The following TSGA10 variants were observed in gnomAD, a reference collection of about 807,000 sequenced individuals.
TSGA10 encodes testis specific 10.
TSGA10 carries 43 observed loss-of-function variants against 96.6 expected under a neutral mutation model. The ratio of observed to expected loss-of-function variants is 0.44; its 90% CI spans 0.35 to 0.57. TSGA10 has a LOEUF of 0.57. Among genes scored for constraint, TSGA10 ranks in the 20% least tolerant of loss-of-function variants. The pLI is 0.01. For missense variants in TSGA10, 703 were observed against 834.4 expected, an observed-to-expected ratio of 0.84 and a Z score of 1.94; for synonymous variants, 229 against 269.9, an observed-to-expected ratio of 0.85 and a Z score of 1.48.
intron 20 of TSGA10, among the ~76,000 whole-genome samples, chr2:99,009,197 A>C (rs568877794): frequency 1.2e-4 from 18 of 152,292 alleles, no homozygotes; most frequent in Non-Finnish European, 2.4e-4. Flanking sequence ...TGTTACTTAC[A>C]ATGAATACCA....
Position 99,035,231 on chromosome 2 carries a change from A to T in TSGA10, c.1613T>A (p.Met538Lys), listed in dbSNP as rs767942925. The T allele has an allele frequency of 1.2e-6, 2 of 1,602,392 alleles. No individual in the cohort carries two copies. The highest frequency in any genetic ancestry group is 1.7e-6 in the Non-Finnish European group (2 of 1,173,566). ...AGATTTTTAAAATATATTACATACC[A>T]TTTCTATTTCTTGATCTTTAGCAAC... ...QLVAKDQEIE[M>K]RENELDSAHS... Residue 538 changes from methionine (M) to lysine (K), a missense_variant and splice_region_variant, in exon 17 of 21, where the codon ATG (methionine) becomes AAG (lysine). Physicochemically the swap from Met to Lys is moderately conservative, Grantham distance 95. Around this residue, in one of 3 missense-constraint regions of TSGA10, gnomAD observed 585 missense variants for 656.8 expected, o/e 0.89. Transcript: ENST00000393483.
intron 16 of TSGA10, among the ~76,000 whole-genome samples, chr2:99,048,125 T>C (rs2082988389): frequency 6.6e-6 from 1 of 151,996 alleles, no homozygotes; most frequent in South Asian, 2.1e-4. Context: ...AGAATCAATA[T>C]CGTGAAAATG....
At chr2:99,064,649 C>T (rs1044798230) in intron 16 of TSGA10, among the ~76,000 whole-genome samples, 4 of 152,124 alleles carry the variant, frequency 2.6e-5, no homozygotes. Flanking sequence ...ATGTTAGTAT[C>T]CTTACATGTG....
chr2:99,055,277 C>A (rs2083844718), intron 16 of TSGA10, among the ~76,000 whole-genome samples: 1 of 152,050 alleles, frequency 6.6e-6, no homozygotes, highest in Non-Finnish European at 1.5e-5. Context: ...AAACACTGAT[C>A]TCGTTTATAT....
rs111472791 is a variant in TSGA10 at position 99,074,508 on chromosome 2, T to TAA, written c.883-1437_883-1436dup. ...ACTGGTGTGTTGTTAAAATATGCAT[T>TAA]AAAAAAAAAGTTAAACCCCTTCAAG... On this transcript the variant is annotated intron_variant, in intron 12 of 20. Transcript: ENST00000393483. Among the ~76,000 whole-genome samples, 203 of 150,330 alleles carry TAA rather than the reference T, an allele frequency of 1.4e-3. 1 individual carries two copies. Among genetic ancestry groups the TAA allele is most frequent in the African/African-American group, 4.8e-3 (196 of 40,810 alleles).
At chr2:99,067,055 G>A (rs902716204) in intron 15 of TSGA10, among the ~76,000 whole-genome samples, 3 of 152,086 alleles carry the variant, frequency 2.0e-5, no homozygotes, top group Non-Finnish European at 4.4e-5. Context: ...CTGAAAATAG[G>A]GTTCAAAGAA....
chr2:99,135,962 T>C (rs946108201), intron 1 of TSGA10, among the ~76,000 whole-genome samples: 2 of 149,638 alleles, frequency 1.3e-5, no homozygotes, highest in East Asian at 2.0e-4. Flanking sequence ...TGAGCCAAGA[T>C]TGCACCATTG....
rs536666220 is a variant in TSGA10 at position 99,144,111 on chromosome 2, C to G, written c.-621+10582G>C. ...TCTCCGCTCACTGGAAGCTCTGCCTCGCGGCTTCACGCCATTCTCCTGCCT... is the reference window on the plus strand; with the variant it reads ...TCTCCGCTCACTGGAAGCTCTGCCTGGCGGCTTCACGCCATTCTCCTGCCT... On this transcript the variant is annotated intron_variant, in intron 1 of 20. Transcript: ENST00000393483. Among the ~76,000 whole-genome samples the G allele has an allele frequency of 3.3e-5, 5 of 152,256 alleles. No homozygotes were observed. In the East Asian group the frequency reaches 9.7e-4, roughly 30 times the overall value.
rs554381768 is a variant in TSGA10 at position 99,078,783 on chromosome 2, C to T, written c.758G>A (p.Arg253Gln). 12 of 1,613,152 alleles carry T rather than the reference C, an allele frequency of 7.4e-6. No homozygotes were observed. The African/African-American group carries it at 8.0e-5, about 11-fold the overall frequency. ...DNFTRQNIAQ[R>Q]EEISILGGTL... ...TCCACCAAGAATGCTGATTTCTTCT[C>T]GCTGTGCAATATTTTGCCTTGTAAA... Residue 253 changes from arginine to glutamine, a missense_variant, in exon 12 of 21, where the codon CGA (arginine) becomes CAA (glutamine). Transcript: ENST00000393483.
chr2:99,129,797 T>A (rs888065471), intron 1 of TSGA10, among the ~76,000 whole-genome samples: 10 of 152,262 alleles, frequency 6.6e-5, no homozygotes, highest in African/African-American at 2.2e-4. Flanking sequence ...GGCCCCCAAC[T>A]CCCTGACAGG....
At chr2:99,059,354 G>A (rs1337792880) in intron 16 of TSGA10, among the ~76,000 whole-genome samples, 1 of 151,850 alleles carries the variant, frequency 6.6e-6, no homozygotes, top group African/African-American at 2.4e-5. Context: ...GTAAACTTAG[G>A]CCAGGCATGG....
At chr2:99,087,264 TGGGAGGTC>T (rs929273609) in intron 10 of TSGA10, among the ~76,000 whole-genome samples, 3 of 152,024 alleles carry the variant, frequency 2.0e-5, no homozygotes, top group African/African-American at 7.2e-5. Flanking sequence ...CCCGTCACTT[TGGGAGGTC>T]GAGGCAGGCA....
chr2:99,068,947 G>A lies in TSGA10; in HGVS notation c.1159C>T (p.Gln387Ter). ...TCCAAATTAGTATCTTGAACCTTCT[G>A]TTTTATGTCATTAAGTTCATTATGA... ...DTHNELNDIK[Q>*]KVQDTNLEVN... Residue 387 changes from glutamine to a stop codon, truncating the protein, a stop_gained, in exon 15 of 21, where the codon CAG (glutamine) becomes TAG (stop). Transcript: ENST00000393483. LOFTEE classifies it high-confidence loss of function. 6.8e-7 allele frequency: 1 copy of A among 1,476,432 alleles called. No individual in the cohort carries two copies. Among genetic ancestry groups the A allele is most frequent in the Non-Finnish European group, 8.9e-7 (1 of 1,118,610 alleles). The allele number at this position is 1,476,432 out of a possible 1,614,324, so 91.5% of individuals were successfully genotyped here.
intron 10 of TSGA10, among the ~76,000 whole-genome samples, chr2:99,092,288 C>T (rs1009520155): frequency 1.3e-5 from 2 of 151,954 alleles, no homozygotes; most frequent in Non-Finnish European, 1.5e-5. Flanking sequence ...AAAGGCAGTG[C>T]TAAAAGAAAA....
chr2:99,001,848 T>A (rs1010455597), intron 20 of TSGA10, among the ~76,000 whole-genome samples: 3 of 152,144 alleles, frequency 2.0e-5, no homozygotes, highest in African/African-American at 4.8e-5. Flanking sequence ...TGCACAAGCT[T>A]CAGTAGCCAA....
intron 16 of TSGA10, among the ~76,000 whole-genome samples, chr2:99,039,712 T>C (rs2082012250): frequency 6.6e-6 from 1 of 152,108 alleles, no homozygotes; most frequent in South Asian, 2.1e-4. Context: ...CTGGTACCAA[T>C]CCTACTGAAA....
At position 99,154,857 on chromosome 2, in the gene TSGA10, C is replaced by T; in HGVS notation, c.-785G>A. 2.9e-6 allele frequency: 1 copy of T among 350,396 alleles called. No homozygotes were observed. Among genetic ancestry groups the T allele is most frequent in the South Asian group, 2.1e-5 (1 of 48,766 alleles). 21.7% of individuals were successfully genotyped at this position (350,396 alleles called of 1,614,324 possible). On this transcript the variant is annotated 5_prime_UTR_variant, in exon 1 of 21. Coordinates refer to ENST00000393483, the MANE Select transcript of TSGA10 (RefSeq NM_025244.4). The stretch of plus-strand genomic sequence containing the variant: ...CTTACTTAGCACTCCTGCGGGCTGC[C>T]GGGACCCCACGGCTCCGCAGGCGGA...
chr2:99,048,854 A>T (rs927994322), intron 16 of TSGA10, among the ~76,000 whole-genome samples: 4 of 152,192 alleles, frequency 2.6e-5, no homozygotes, highest in African/African-American at 9.7e-5. Context: ...TAATATCCAG[A>T]GTCTACAAAG....
chr2:99,102,761 T>C (rs2090916986), intron 10 of TSGA10: 9 of 1,594,792 alleles, frequency 5.6e-6, no homozygotes, highest in Non-Finnish European at 7.7e-6. Flanking sequence ...AATTGGAAAA[T>C]ACTACTTACT....
Sources: allele counts gnomAD v4.1 joint callset (sites outside exome capture counted in the v4.1 genomes callset), GRCh38; gene constraint gnomAD v4.1.1; regional missense constraint gnomAD v4.1.1; transcripts MANE v1.5; gene names NCBI Gene and HGNC (gene_info 2026-07-23, HGNC 2026-07-21).